The following PRELID2 variants were observed in gnomAD, a reference collection of about 807,000 sequenced individuals.
PRELID2 encodes the protein PRELI domain containing 2.
Under a neutral mutation model 28.4 loss-of-function variants are expected in PRELID2, and 25 were observed. The observed-to-expected ratio is 0.88, with a 90% CI of 0.64 to 1.23. The LOEUF is 1.23. Ranked by LOEUF, PRELID2 falls within the 50% of genes most tolerant of loss-of-function variation. The probability of loss-of-function intolerance (pLI) is 0.00; values close to 1 mark genes in which losing one functional copy is unlikely to be tolerated. For missense variants in PRELID2, 201 were observed against 214.4 expected, an observed-to-expected ratio of 0.94 and a Z score of 0.39; for synonymous variants, 76 against 71.6, an observed-to-expected ratio of 1.06 and a Z score of -0.31.
At chr5:145,616,825 CA>C (rs1295158722) in intron 1 of PRELID2, among the ~76,000 whole-genome samples, 1 of 152,080 alleles carries the variant, frequency 6.6e-6, no homozygotes, top group East Asian at 1.9e-4. Flanking sequence ...CCAGTCTGAC[CA>C]AAATTTATTA....
the PRELID2 span, among the ~76,000 whole-genome samples, chr5:145,317,854 G>A: frequency 6.6e-6 from 1 of 152,120 alleles, no homozygotes; most frequent in African/African-American, 2.4e-5. Context: ...TGAACTGTTT[G>A]ATGAGATTTC....
intron 1 of PRELID2, among the ~76,000 whole-genome samples, chr5:145,655,885 C>A (rs1409216596): frequency 2.0e-5 from 3 of 150,314 alleles, no homozygotes; most frequent in Non-Finnish European, 4.5e-5. Flanking sequence ...GCAACAAAAG[C>A]CAAAATTGAT....
intron 1 of PRELID2, among the ~76,000 whole-genome samples, chr5:145,481,427 T>C (rs1342668050): frequency 2.0e-5 from 3 of 151,592 alleles, no homozygotes; most frequent in Admixed American, 6.6e-5. Context: ...ATTTTCAATC[T>C]ATAGAAAAGG....
intron 1 of PRELID2, among the ~76,000 whole-genome samples, chr5:145,606,222 G>A (rs537439711): frequency 1.3e-5 from 2 of 152,042 alleles, no homozygotes; most frequent in African/African-American, 2.4e-5. Context: ...AACAGAGATA[G>A]TTTGACATCC....
chr5:145,699,702 T>C (rs1309478011), intron 1 of PRELID2, among the ~76,000 whole-genome samples: 1 of 152,118 alleles, frequency 6.6e-6, no homozygotes, highest in Non-Finnish European at 1.5e-5. Flanking sequence ...AGAGAAGAAA[T>C]GTCAAAAGCT....
At chr5:145,656,434 T>C (rs1189259587) in intron 1 of PRELID2, among the ~76,000 whole-genome samples, 1 of 152,124 alleles carries the variant, frequency 6.6e-6, no homozygotes, top group Non-Finnish European at 1.5e-5. Context: ...ATCATGTTAC[T>C]ATAAAGACCC....
At position 145,584,942 on chromosome 5, in the gene PRELID2, C is replaced by T. The variant is rs181213873; in HGVS notation, n.71-111627G>A. ...AAGCAATCCCATTACTGGATATATA[C>T]CCAAAGTAATATAAATCATTCTATT... On this transcript the variant is annotated intron_variant and non_coding_transcript_variant, in intron 1 of 2. Transcript: ENST00000510259. 2.4e-4 allele frequency among the ~76,000 whole-genome samples: 36 copies of T among 152,198 alleles called. No homozygotes were observed. In the East Asian group the frequency reaches 6.8e-3, roughly 29 times the overall value.
chr5:145,308,063 T>C, the PRELID2 span, among the ~76,000 whole-genome samples: 1 of 152,164 alleles, frequency 6.6e-6, no homozygotes, highest in Admixed American at 6.5e-5. Flanking sequence ...GAAGCGGTAA[T>C]ACACTCTCTT....
intron 1 of PRELID2, among the ~76,000 whole-genome samples, chr5:145,674,397 A>G (rs1400414418): frequency 6.6e-6 from 1 of 152,100 alleles, no homozygotes; most frequent in Non-Finnish European, 1.5e-5. Context: ...TTGAAGAGAC[A>G]GAAGGACAAA....
At chr5:145,345,911 T>A in the PRELID2 span, among the ~76,000 whole-genome samples, 6 of 150,780 alleles carry the variant, frequency 4.0e-5, no homozygotes, top group Admixed American at 6.6e-5. Flanking sequence ...GGGGGAGGCA[T>A]TTTTATCCCA....
chr5:145,577,389 G>GA (rs1322336038), intron 1 of PRELID2, among the ~76,000 whole-genome samples: 1 of 151,822 alleles, frequency 6.6e-6, no homozygotes, highest in Admixed American at 6.6e-5. Context: ...ATCAGAACAA[G>GA]AAATTTAACA....
chr5:145,791,020 G>C (rs1461097097), intron 5 of PRELID2, among the ~76,000 whole-genome samples: 1 of 151,668 alleles, frequency 6.6e-6, no homozygotes, highest in Non-Finnish European at 1.5e-5. Context: ...ATCCACCAAT[G>C]GATGATGTCT....
the PRELID2 span, among the ~76,000 whole-genome samples, chr5:145,389,858 T>C: frequency 8.9e-3 from 1,357 of 152,166 alleles, 23 homozygotes; most frequent in African/African-American, 0.031. Flanking sequence ...CTGAGAAAGA[T>C]AAAAATTTAT....
the PRELID2 span, among the ~76,000 whole-genome samples, chr5:145,346,490 T>C: frequency 6.6e-6 from 1 of 152,122 alleles, no homozygotes. Context: ...ATGCACTAAA[T>C]TGTTTTAGAA....
intron 3 of PRELID2, chr5:145,819,294 C>T: frequency 1.1e-6 from 1 of 882,266 alleles, no homozygotes; most frequent in Non-Finnish European, 1.9e-6. Flanking sequence ...CAGATGCTTT[C>T]CTCTGACTTC....
At chr5:145,272,534 A>G in the PRELID2 span, among the ~76,000 whole-genome samples, 13 of 152,248 alleles carry the variant, frequency 8.5e-5, no homozygotes, top group South Asian at 2.7e-3. Flanking sequence ...GGTGGTAAAT[A>G]TCATGGGCTC....
At chr5:145,560,932 G>C (rs143844445) in intron 1 of PRELID2, among the ~76,000 whole-genome samples, 226 of 152,090 alleles carry the variant, frequency 1.5e-3, no homozygotes, top group African/African-American at 5.4e-3. Flanking sequence ...CAGAACAGCT[G>C]TCTGTTTACC....
chr5:145,490,081 TAAAATAAAATC>T lies in PRELID2; in HGVS notation n.71-16777_71-16767del, dbSNP rs537543781. ...TCAGTATTTCTTAAAAGATGTTGCT[TAAAATAAAATC>T]AACTGAGCTATCATCACACCTCCAT... On this transcript the variant is annotated intron_variant and non_coding_transcript_variant, in intron 1 of 2. Transcript: ENST00000510259. Among the ~76,000 whole-genome samples, 18 of 152,276 alleles carry T rather than the reference TAAAATAAAATC, an allele frequency of 1.2e-4. No individual in the cohort carries two copies. The South Asian group carries it at 3.7e-3, about 32-fold the overall frequency.
At chr5:145,599,551 G>T (rs1460132768) in intron 1 of PRELID2, among the ~76,000 whole-genome samples, 10 of 152,182 alleles carry the variant, frequency 6.6e-5, no homozygotes, top group Non-Finnish European at 7.4e-5. Context: ...TTCAGCACTG[G>T]ACTGTTTCTG....
Sources: gnomAD v4.1 joint callset for allele counts (sites outside exome capture counted in the v4.1 genomes callset) on GRCh38, gnomAD v4.1.1 for gene constraint, MANE v1.5 for transcripts, NCBI Gene and HGNC (gene_info 2026-07-23, HGNC 2026-07-21) for gene names.